The following GTF2I variants were observed in gnomAD, a reference collection of about 807,000 sequenced individuals.
GTF2I encodes general transcription factor IIi.
GTF2I carries 12 observed loss-of-function variants against 67.6 expected under a neutral mutation model. That is an observed-to-expected ratio of 0.18 (90% CI 0.11 to 0.29). The LOEUF is 0.29. Among genes scored for constraint, GTF2I ranks in the 10% least tolerant of loss-of-function variants. The pLI is 1.00. For synonymous variants in GTF2I, 149 were observed against 197.0 expected (o/e 0.76, Z 2.04); for missense variants, 271 against 580.1 (o/e 0.47, Z 5.47).
chr7:74,691,394 C>T (rs1023529444), intron 3 of GTF2I, among the ~76,000 whole-genome samples: 2 of 151,940 alleles, frequency 1.3e-5, no homozygotes, highest in African/African-American at 2.4e-5. Context: ...TTAGTAGAGA[C>T]GGGGTTTCTC....
At chr7:74,698,542 C>A (rs1402309139) in intron 3 of GTF2I, among the ~76,000 whole-genome samples, 2 of 151,898 alleles carry the variant, frequency 1.3e-5, no homozygotes, top group African/African-American at 4.8e-5. Context: ...AGCCCCCAGA[C>A]AGCTAGGACT....
At chr7:74,685,412 G>T (rs1191779896) in intron 1 of GTF2I, among the ~76,000 whole-genome samples, 1 of 152,124 alleles carries the variant, frequency 6.6e-6, no homozygotes, top group African/African-American at 2.4e-5. Context: ...CAGGAGAATC[G>T]CTTGAACCCG....
At chr7:74,725,369 A>G (rs988770699) in intron 12 of GTF2I, among the ~76,000 whole-genome samples, 2 of 152,128 alleles carry the variant, frequency 1.3e-5, no homozygotes, top group South Asian at 4.1e-4. Context: ...TTTAAAATAG[A>G]ATATATGGTG....
rs981822763 is a variant in GTF2I at position 74,705,898 on chromosome 7, A to G, written c.642-492A>G. 4.0e-5 allele frequency among the ~76,000 whole-genome samples: 6 copies of G among 150,846 alleles called. No homozygotes were observed. The South Asian group carries it at 1.3e-3, about 32-fold the overall frequency. On this transcript the variant is annotated intron_variant, in intron 7 of 34. Coordinates refer to ENST00000573035, the MANE Select transcript of GTF2I (RefSeq NM_032999.4). ...TTAATATGCTACTCTGTAGTATTTT[A>G]TTGTACTTTTTTCCCCAAAAGATAG...
At chr7:74,680,099 A>AAAAAAAAAAAAAAT in intron 1 of GTF2I, among the ~76,000 whole-genome samples, 2 of 95,000 alleles carry the variant, frequency 2.1e-5, no homozygotes, top group African/African-American at 8.0e-5. Flanking sequence ...AAAAAAAAAA[A>AAAAAAAAAAAAAAT]ATATATATAT....
At chr7:74,664,946 G>GT (rs1303200010) in intron 1 of GTF2I, among the ~76,000 whole-genome samples, 2,458 of 142,546 alleles carry the variant, frequency 0.017, 25 homozygotes, top group Middle Eastern at 0.043. Context: ...CCTATTTTTT[G>GT]TTTTTTTTTT....
intron 14 of GTF2I, among the ~76,000 whole-genome samples, chr7:74,730,713 CT>C (rs869183139): frequency 6.7e-4 from 43 of 63,914 alleles, no homozygotes; most frequent in South Asian, 2.2e-3. Flanking sequence ...CTACTTTTAT[CT>C]TTTTTTTTTT....
At chr7:74,695,924 A>G (rs1788846253) in intron 3 of GTF2I, among the ~76,000 whole-genome samples, 1 of 152,034 alleles carries the variant, frequency 6.6e-6, no homozygotes. Context: ...ACTAAGCATT[A>G]AGGGCGCTGT....
chr7:74,723,703 T>G (rs1793398586), intron 12 of GTF2I, among the ~76,000 whole-genome samples: 1 of 151,956 alleles, frequency 6.6e-6, no homozygotes, highest in Non-Finnish European at 1.5e-5. Flanking sequence ...AGTGCTAGGA[T>G]TACAGGCATG....
At chr7:74,719,049 T>A (rs1447358348) in intron 12 of GTF2I, 108 bp downstream of exon 12, 1 of 614,472 alleles carries the variant, frequency 1.6e-6, no homozygotes, top group Non-Finnish European at 2.8e-6. Context: ...AGGAGACTTG[T>A]GGGACGAATA....
chr7:74,721,293 G>A (rs1792959711), intron 12 of GTF2I, among the ~76,000 whole-genome samples: 4 of 152,096 alleles, frequency 2.6e-5, no homozygotes, highest in South Asian at 4.1e-4. Flanking sequence ...TGCCCACCTC[G>A]GCTTCCCAAA....
chr7:74,680,449 A>AT (rs113801967), intron 1 of GTF2I, among the ~76,000 whole-genome samples: 4 of 151,022 alleles, frequency 2.6e-5, no homozygotes, highest in Non-Finnish European at 5.9e-5. Context: ...ACTATAAAAT[A>AT]TTTTTTTTTG....
intron 6 of GTF2I, 108 bp from the exon 7 acceptor site, chr7:74,705,056 G>T: frequency 1.4e-6 from 1 of 724,760 alleles, no homozygotes; most frequent in Non-Finnish European, 2.5e-6. Flanking sequence ...GTGTGATCCA[G>T]AGCTGCAAAG....
chr7:74,688,096 T>C (rs1177834046), intron 1 of GTF2I, among the ~76,000 whole-genome samples: 7 of 152,288 alleles, frequency 4.6e-5, no homozygotes, highest in Middle Eastern at 3.4e-3. Context: ...TTTTTTTGTG[T>C]GTGTGACAGG....
At chr7:74,719,066 T>C in intron 12 of GTF2I, 125 bp downstream of exon 12, 1 of 549,254 alleles carries the variant, frequency 1.8e-6, no homozygotes, top group South Asian at 2.7e-5. Flanking sequence ...AATACATGTG[T>C]CTGTGTGGCC....
intron 12 of GTF2I, among the ~76,000 whole-genome samples, chr7:74,725,150 AGT>A (rs1554405402): frequency 2.0e-5 from 3 of 152,170 alleles, no homozygotes; most frequent in Non-Finnish European, 4.4e-5. Context: ...CAGAGTAAAA[AGT>A]AATTTTGATC....
chr7:74,732,555 A>T lies in GTF2I; in HGVS notation c.1197A>T (p.Val399=). ...AGTCTCATGTTGAAGATCTTTATGT[A>T]GAAGGACTTCCTGAAGGAATTCCTT... ...LFQSHVEDLY[V]EGLPEGIPFR... is the part of the protein sequence containing the mutation. Residue 399 remains valine, a synonymous_variant, in exon 15 of 35, where the codon GTA becomes GTT. Coordinates refer to ENST00000573035, the MANE Select transcript of GTF2I (RefSeq NM_032999.4). 1 of 1,605,518 alleles carries T rather than the reference A, an allele frequency of 6.2e-7. No individual in the cohort carries two copies.
chr7:74,730,772 T>C (rs1479811721), intron 14 of GTF2I, among the ~76,000 whole-genome samples: 1 of 112,648 alleles, frequency 8.9e-6, no homozygotes, highest in Non-Finnish European at 1.7e-5. Flanking sequence ...AGTAGTACAA[T>C]CTCGGCTCAT....
intron 1 of GTF2I, among the ~76,000 whole-genome samples, chr7:74,678,991 C>G (rs1361566611): frequency 6.6e-6 from 1 of 151,856 alleles, no homozygotes; most frequent in African/African-American, 2.4e-5. Context: ...AGGCTGGTCT[C>G]GAACTCCTGA....
Sources: gnomAD v4.1 joint callset for allele counts (sites outside exome capture counted in the v4.1 genomes callset) on GRCh38, gnomAD v4.1.1 for gene constraint, MANE v1.5 for transcripts, NCBI Gene and HGNC (gene_info 2026-07-23, HGNC 2026-07-21) for gene names.